Variants in DLC1 observed in about 807,000 individuals in gnomAD.
DLC1 encodes the protein rho GTPase-activating protein 7.
Under a neutral mutation model 140.3 loss-of-function variants are expected in DLC1, and 54 were observed. The observed-to-expected ratio is 0.38, with a 90% CI of 0.31 to 0.48. The LOEUF is 0.48. Ranked by LOEUF, DLC1 falls within the 20% of genes least tolerant of loss-of-function variation. The pLI is 0.96. For synonymous variants in DLC1, 986 were observed against 728.1 expected (o/e 1.35, Z -5.70); for missense variants, 2,536 against 1,907.0 (o/e 1.33, Z -6.14).
chr8:13,395,782 A>T (rs542875610), intron 3 of DLC1, among the ~76,000 whole-genome samples: 1 of 129,112 alleles, frequency 7.7e-6, no homozygotes. Flanking sequence ...TGTGTAGAAG[A>T]CATAACTCTG....
At chr8:13,391,719 G>A (rs1836770788) in intron 4 of DLC1, among the ~76,000 whole-genome samples, 1 of 152,114 alleles carries the variant, frequency 6.6e-6, no homozygotes, top group Non-Finnish European at 1.5e-5. Context: ...TCAACTCATT[G>A]TTATGAATTA....
chr8:13,147,029 A>G (rs979791908), intron 5 of DLC1, among the ~76,000 whole-genome samples: 1 of 152,186 alleles, frequency 6.6e-6, no homozygotes, highest in East Asian at 1.9e-4. Context: ...AATGAAATCA[A>G]TCAGCTCACA....
chr8:13,479,852 AG>A lies in DLC1; in HGVS notation c.1023+19196del, dbSNP rs1563383585. ...AAGAAGAAGAAGAAGAAGAAGAAGAAGAAGAAGAGAAAAAGAAAGAAAGAAA... is the reference window on the plus strand; with the variant it reads ...AAGAAGAAGAAGAAGAAGAAGAAGAAAAGAAGAGAAAAAGAAAGAAAGAAA... On this transcript the variant is annotated intron_variant, in intron 2 of 17. Transcript: ENST00000276297. Among the ~76,000 whole-genome samples, 470 of 100,338 alleles carry A rather than the reference AG, an allele frequency of 4.7e-3. 47 individuals carry two copies. Among genetic ancestry groups the A allele is most frequent in the Non-Finnish European group, 7.8e-3 (383 of 49,246 alleles). The allele number at this position is 100,338 out of a possible 152,430, so 65.8% of individuals were successfully genotyped here. A position where few individuals can be genotyped will look rare whatever the true frequency, so the allele number is the denominator to read the frequency against.
At chr8:13,424,738 A>G (rs1033817851) in intron 2 of DLC1, among the ~76,000 whole-genome samples, 1 of 151,822 alleles carries the variant, frequency 6.6e-6, no homozygotes, top group Non-Finnish European at 1.5e-5. Flanking sequence ...TCGCTTGGCT[A>G]ATTTTTTTGT....
chr8:13,130,334 G>A (rs912627980), intron 5 of DLC1, among the ~76,000 whole-genome samples: 1 of 152,112 alleles, frequency 6.6e-6, no homozygotes, highest in Non-Finnish European at 1.5e-5. Context: ...AAGAGTTTAA[G>A]TACTATATAC....
intron 2 of DLC1, among the ~76,000 whole-genome samples, chr8:13,481,563 G>T (rs1392560682): frequency 6.6e-6 from 1 of 152,216 alleles, no homozygotes; most frequent in Non-Finnish European, 1.5e-5. Flanking sequence ...TTATGAAGGA[G>T]AAGCTTTGAG....
chr8:13,514,438 A>T (rs577236143), intron 1 of DLC1, among the ~76,000 whole-genome samples, 164 bp downstream of exon 1: 3 of 152,164 alleles, frequency 2.0e-5, no homozygotes, highest in African/African-American at 7.2e-5. Flanking sequence ...AAACGAATTG[A>T]CTCAGAATTT....
At chr8:13,587,102 A>ACACACACACACG (rs760957250) in intron 1 of DLC1, among the ~76,000 whole-genome samples, 4 of 151,530 alleles carry the variant, frequency 2.6e-5, no homozygotes, top group African/African-American at 9.7e-5. Flanking sequence ...ACACACACAC[A>ACACACACACACG]CACATTCATG....
intron 1 of DLC1, among the ~76,000 whole-genome samples, chr8:13,550,442 G>A (rs766940582): frequency 9.2e-5 from 14 of 152,046 alleles, no homozygotes; most frequent in Non-Finnish European, 1.3e-4. Flanking sequence ...GTAGCAATGT[G>A]AGAAGACTAA....
intron 5 of DLC1, among the ~76,000 whole-genome samples, chr8:13,146,859 C>T (rs935087295): frequency 2.0e-5 from 3 of 152,020 alleles, no homozygotes; most frequent in Non-Finnish European, 4.4e-5. Context: ...TGACTGGGCC[C>T]GAATAGAGCT....
intron 1 of DLC1, among the ~76,000 whole-genome samples, chr8:13,549,647 T>C (rs2117351956): frequency 6.6e-6 from 1 of 152,228 alleles, no homozygotes; most frequent in Admixed American, 6.5e-5. Flanking sequence ...AAGGATGTGG[T>C]AGAAAAAACA....
intron 2 of DLC1, among the ~76,000 whole-genome samples, chr8:13,485,860 T>C (rs1312153513): frequency 6.6e-6 from 1 of 152,198 alleles, no homozygotes; most frequent in East Asian, 1.9e-4. Context: ...TTTTTGTTTC[T>C]AGTCTAAGCA....
At chr8:13,441,312 C>A (rs1446211253) in intron 2 of DLC1, among the ~76,000 whole-genome samples, 2 of 152,096 alleles carry the variant, frequency 1.3e-5, no homozygotes, top group Admixed American at 6.6e-5. Flanking sequence ...ACAGGGATGC[C>A]CTCTCTCACC....
intron 5 of DLC1, among the ~76,000 whole-genome samples, chr8:13,153,877 T>C (rs1348294766): frequency 2.0e-5 from 3 of 152,142 alleles, no homozygotes; most frequent in African/African-American, 7.2e-5. Context: ...GTATTTACAG[T>C]CCTTTAGCTA....
chr8:13,326,155 A>T (rs942976988), intron 4 of DLC1, among the ~76,000 whole-genome samples: 2 of 152,244 alleles, frequency 1.3e-5, no homozygotes, highest in Non-Finnish European at 2.9e-5. Flanking sequence ...CTGTCAAGTG[A>T]TGCATGACTA....
chr8:13,236,723 C>T (rs932214760), intron 5 of DLC1, among the ~76,000 whole-genome samples: 22 of 151,980 alleles, frequency 1.4e-4, no homozygotes, highest in African/African-American at 2.7e-4. Flanking sequence ...TTGTGTGATA[C>T]GTAATGATTC....
chr8:13,235,599 C>T (rs529744595), intron 5 of DLC1, among the ~76,000 whole-genome samples: 1 of 151,996 alleles, frequency 6.6e-6, no homozygotes, highest in Non-Finnish European at 1.5e-5. Flanking sequence ...TCCTCCTGAA[C>T]TGAAATTTAA....
At chr8:13,096,664 A>G (rs369764026) in intron 10 of DLC1, among the ~76,000 whole-genome samples, 9 of 152,188 alleles carry the variant, frequency 5.9e-5, no homozygotes, top group African/African-American at 1.9e-4. Context: ...GTATTTAGCA[A>G]GGCTCACATA....
chr8:13,440,527 AT>A lies in DLC1; in HGVS notation c.1024-38909del, dbSNP rs553976225. ...AAAATTTTGGTAAAGATATGAAGAT[AT>A]TTTGCTCTTTTTTTTTTTCTGAGAT... On this transcript the variant is annotated intron_variant, in intron 2 of 17. Coordinates refer to ENST00000276297, the MANE Select transcript of DLC1 (RefSeq NM_182643.3). Among the ~76,000 whole-genome samples the A allele has an allele frequency of 8.6e-5, 13 of 151,674 alleles. No homozygotes were observed. The South Asian group carries it at 2.7e-3, about 32-fold the overall frequency.
Sources: allele counts gnomAD v4.1 joint callset (sites outside exome capture counted in the v4.1 genomes callset), GRCh38; gene constraint gnomAD v4.1.1; transcripts MANE v1.5; gene names NCBI Gene and HGNC (gene_info 2026-07-23, HGNC 2026-07-21).